The following MTUS2 variants were observed in gnomAD, a reference collection of about 807,000 sequenced individuals.
MTUS2 encodes the protein microtubule-associated tumor suppressor candidate 2.
A neutral mutation model predicts 114.1 loss-of-function variants in MTUS2; 40 were observed. The ratio of observed to expected loss-of-function variants is 0.35; its 90% CI spans 0.27 to 0.46. MTUS2 has a LOEUF of 0.46. Ranked by LOEUF, MTUS2 falls within the 20% of genes least tolerant of loss-of-function variation. The pLI is 1.00. For synonymous variants in MTUS2, 688 were observed against 672.0 expected (o/e 1.02, Z -0.37); for missense variants, 1,679 against 1,705.4 (o/e 0.98, Z 0.27).
At chr13:29,035,491 G>T (rs543286574) in intron 4 of MTUS2, among the ~76,000 whole-genome samples, 1 of 152,348 alleles carries the variant, frequency 6.6e-6, no homozygotes, top group African/African-American at 2.4e-5. Context: ...TCACTTGGCC[G>T]ATTGCAGGCA....
upstream of MTUS2, among the ~76,000 whole-genome samples, chr13:28,820,021 C>T (rs1873776026): frequency 6.8e-6 from 1 of 147,042 alleles, no homozygotes; most frequent in African/African-American, 2.4e-5. Flanking sequence ...GCGCCGCCTA[C>T]CGCTCGGGCC....
chr13:29,074,942 A>G (rs1355091296), intron 4 of MTUS2, among the ~76,000 whole-genome samples: 1 of 152,206 alleles, frequency 6.6e-6, no homozygotes, highest in Non-Finnish European at 1.5e-5. Flanking sequence ...TTGTGCAACC[A>G]TCACTACAGT....
chr13:29,111,637 T>C (rs934257075), intron 5 of MTUS2, among the ~76,000 whole-genome samples: 3 of 152,230 alleles, frequency 2.0e-5, no homozygotes, highest in Non-Finnish European at 4.4e-5. Flanking sequence ...ATCTTGCTTC[T>C]CATGGGAACT....
At chr13:29,080,885 C>T (rs557918643) in intron 4 of MTUS2, among the ~76,000 whole-genome samples, 5 of 152,202 alleles carry the variant, frequency 3.3e-5, no homozygotes, top group African/African-American at 1.2e-4. Context: ...ACCACTATGC[C>T]TAGCTAATTT....
At chr13:29,071,786 G>T (rs1888950769) in intron 4 of MTUS2, among the ~76,000 whole-genome samples, 1 of 152,028 alleles carries the variant, frequency 6.6e-6, no homozygotes, top group Non-Finnish European at 1.5e-5. Context: ...CAAATTCTTT[G>T]TGATCTTTTA....
At chr13:28,824,226 A>G (rs1029857015) in intron 1 of MTUS2, among the ~76,000 whole-genome samples, 1 of 152,186 alleles carries the variant, frequency 6.6e-6, no homozygotes, top group Admixed American at 6.5e-5. Flanking sequence ...ATTTTGTTAG[A>G]TCGTTTATTA....
In MTUS2 at chr13:28,946,155, A is replaced by G. The variant is rs569930128; in HGVS notation, c.-242-78302A>G. On this transcript the variant is annotated intron_variant, in intron 2 of 15. Coordinates refer to ENST00000612955, the MANE Select transcript of MTUS2 (RefSeq NM_001033602.4). ...AAGTTCTCTTACTGACATTTTGTTA[A>G]TTGGAAGACTCAGAAAGCTAGAAGT... Among the ~76,000 whole-genome samples the G allele has an allele frequency of 4.6e-5, 7 of 152,340 alleles. No individual in the cohort carries two copies. In the South Asian group the frequency reaches 1.4e-3, roughly 32 times the overall value.
At chr13:29,332,543 G>GT (rs1446961994) in intron 7 of MTUS2, among the ~76,000 whole-genome samples, 3 of 150,714 alleles carry the variant, frequency 2.0e-5, no homozygotes, top group Admixed American at 6.6e-5. Context: ...AGGGTTTTTC[G>GT]TATCTCTGTC....
intron 2 of MTUS2, among the ~76,000 whole-genome samples, chr13:28,879,170 T>C (rs1264779103): frequency 1.3e-5 from 2 of 152,236 alleles, no homozygotes; most frequent in African/African-American, 4.8e-5. Context: ...TTTTAATTTT[T>C]TTTTCTTTTA....
At chr13:29,090,147 G>A (rs1209016438) in intron 4 of MTUS2, among the ~76,000 whole-genome samples, 4 of 152,078 alleles carry the variant, frequency 2.6e-5, no homozygotes, top group Admixed American at 2.6e-4. Context: ...GTTTGACTGT[G>A]GTATAAGTTG....
In MTUS2 at chr13:29,501,205, TG is replaced by T; in HGVS notation, c.3896+14del. ...CACAGTTGTCACCAGGTAGGTGGGC[TG>T]GGTGTCACCTACAAAGTGACTTTCC... On this transcript the variant is annotated intron_variant, in intron 15 of 15. Transcript: ENST00000612955. 6.2e-7 allele frequency: 1 copy of T among 1,605,374 alleles called. No homozygotes were observed. The highest frequency in any genetic ancestry group is 8.5e-7 in the Non-Finnish European group (1 of 1,172,172).
At chr13:29,085,249 C>A (rs1039432573) in intron 4 of MTUS2, among the ~76,000 whole-genome samples, 3 of 152,122 alleles carry the variant, frequency 2.0e-5, no homozygotes, top group African/African-American at 7.2e-5. Context: ...AACCTCTTTT[C>A]TTTTTCTTTT....
rs201372675 is a variant in MTUS2 at position 28,827,434 on chromosome 13, T to A, written c.-316+6823T>A. ...AATACATTGTCCTCTACCCCCAAAC[T>A]TTATACTGAAATTTTTCTGCTAAAT... is the stretch of plus-strand genomic sequence containing the variant. On this transcript the variant is annotated intron_variant, in intron 1 of 15. Transcript: ENST00000612955. Among the ~76,000 whole-genome samples the A allele has an allele frequency of 5.9e-5, 9 of 152,242 alleles. No homozygotes were observed. In the East Asian group the frequency reaches 1.7e-3, roughly 29 times the overall value.
At chr13:28,841,744 C>T (rs989209677) in intron 2 of MTUS2, among the ~76,000 whole-genome samples, 7 of 151,276 alleles carry the variant, frequency 4.6e-5, no homozygotes, top group South Asian at 4.2e-4. Flanking sequence ...TGGAGTGCAG[C>T]GGCGTGATCT....
intron 5 of MTUS2, among the ~76,000 whole-genome samples, chr13:29,207,361 A>G (rs1427798252): frequency 6.6e-6 from 1 of 152,178 alleles, no homozygotes; most frequent in Non-Finnish European, 1.5e-5. Flanking sequence ...CCATTATATC[A>G]TTGGTGAACA....
intron 9 of MTUS2, among the ~76,000 whole-genome samples, chr13:29,451,075 G>A (rs1034846269): frequency 7.2e-5 from 11 of 152,090 alleles, no homozygotes; most frequent in Non-Finnish European, 1.6e-4. Flanking sequence ...CCTGAACAAC[G>A]CTATCTTCCA....
At chr13:29,121,743 G>A (rs969286191) in intron 5 of MTUS2, among the ~76,000 whole-genome samples, 6 of 150,710 alleles carry the variant, frequency 4.0e-5, no homozygotes, top group East Asian at 1.9e-4. Context: ...CGCAACCTCC[G>A]CCTCCCGGCT....
intron 5 of MTUS2, among the ~76,000 whole-genome samples, chr13:29,124,752 A>C (rs1174152567): frequency 6.6e-6 from 1 of 152,248 alleles, no homozygotes; most frequent in African/African-American, 2.4e-5. Context: ...ATTCAGCCTT[A>C]AAAGGAAAAG....
intron 8 of MTUS2, among the ~76,000 whole-genome samples, chr13:29,383,246 G>GTATATATATATATATATATTTA (rs1291436254): frequency 1.5e-3 from 84 of 55,252 alleles, no homozygotes; most frequent in Non-Finnish European, 2.7e-3. Flanking sequence ...GTGTGTGTGT[G>GTATATATATATATATATATTTA]TGTGTGTATT....
Sources: gnomAD v4.1 joint callset for allele counts (sites outside exome capture counted in the v4.1 genomes callset) on GRCh38, gnomAD v4.1.1 for gene constraint, MANE v1.5 for transcripts, NCBI Gene and HGNC (gene_info 2026-07-23, HGNC 2026-07-21) for gene names.